Variants in KCNK12 observed in about 807,000 individuals in gnomAD.
The protein encoded by KCNK12 is potassium channel subfamily K member 12.
A neutral mutation model predicts 25.3 loss-of-function variants in KCNK12; 6 were observed. The ratio of observed to expected loss-of-function variants is 0.24; its 90% confidence interval spans 0.13 to 0.47. KCNK12 has a LOEUF of 0.47. KCNK12 is among the 20% of genes least tolerant of loss of function. KCNK12 has a pLI of 0.99. For missense variants in KCNK12, 444 were observed against 661.7 expected (o/e 0.67, Z 3.61); for synonymous variants, 331 against 311.1 (o/e 1.06, Z -0.67).
chr2:47,521,695 T>C lies in KCNK12; in HGVS notation c.505A>G (p.Ile169Val). The C allele has an allele frequency of 3.1e-6, 5 of 1,603,356 alleles. No individual in the cohort carries two copies. Among genetic ancestry groups the C allele is most frequent in the Non-Finnish European group, 4.3e-6 (5 of 1,176,404 alleles). ...LFFNLFLERIISLLAFIMRAC... is the reference protein window; with the variant it reads ...LFFNLFLERIVSLLAFIMRAC... ...CGCATGATGAAGGCCAGCAGCGAGA[T>C]GATGCGCTCCAGGAAGAGGTTGAAG... Residue 169 changes from isoleucine (I) to valine (V), a missense_variant, in exon 2 of 2, where the codon ATC (isoleucine) becomes GTC (valine). Around this residue, in one of 8 missense-constraint regions of KCNK12, gnomAD observed 44 missense variants for 100.7 expected, o/e 0.44. Transcript: ENST00000327876.
At chr2:47,544,654 C>T (rs1180621954) in intron 1 of KCNK12, among the ~76,000 whole-genome samples, 1 of 152,240 alleles carries the variant, frequency 6.6e-6, no homozygotes, top group Non-Finnish European at 1.5e-5. Context: ...TGGCAGCTTA[C>T]ATACCACATG....
rs1474768564 is a variant in KCNK12, at chr2:47,565,031, G to T, written c.391+4910C>A. On this transcript the variant is annotated intron_variant, in intron 1 of 1. Coordinates refer to ENST00000327876, the MANE Select transcript of KCNK12 (RefSeq NM_022055.2). The surrounding 1 kb of genome is among the most constrained non-coding windows in gnomAD (Gnocchi z 5.0). ...AAAAAAAAAAAAGTAGCCAGGTGTG[G>T]TGATGTGTGCCTGTGATCCCAGCTT... 4 of 151,996 alleles carry T rather than the reference G, an allele frequency of 2.6e-5. No individual in the cohort carries two copies. Among genetic ancestry groups the T allele is most frequent in the African/African-American group, 9.7e-5 (4 of 41,388 alleles). 9.4% of individuals were successfully genotyped at this position (151,996 alleles called of 1,614,324 possible). A position where few individuals can be genotyped will look rare whatever the true frequency, so the allele number is the denominator to read the frequency against.
chr2:47,513,319 T>C lies in KCNK12; in HGVS notation c.*7588A>G, dbSNP rs1402631237. 6.6e-6 allele frequency: 1 copy of C among 152,208 alleles called. No individual in the cohort carries two copies. The highest frequency in any genetic ancestry group is 6.5e-5 in the Admixed American group (1 of 15,286). The allele number at this position is 152,208 out of a possible 1,614,324, so 9.4% of individuals were successfully genotyped here. On this transcript the variant is annotated 3_prime_UTR_variant, in exon 2 of 2. Transcript: ENST00000327876. ...TCCCTTTGCTAAATCTTGTGGGTGT[T>C]TTCTTCAGTCCTTGTCTTAATCACT...
intron 1 of KCNK12, chr2:47,564,674 TATC>T (rs1300434301): frequency 5.6e-6 from 1 of 178,778 alleles, no homozygotes; most frequent in Non-Finnish European, 1.2e-5. Context: ...AGTGCAGTGG[TATC>T]ATGAATGACT....
rs1313684587 is a variant in KCNK12 at position 47,570,339 on chromosome 2, A to G, written c.-8T>C. 4 of 1,252,208 alleles carry G rather than the reference A, an allele frequency of 3.2e-6. No individual in the cohort carries two copies. The highest frequency in any genetic ancestry group is 4.0e-6 in the Non-Finnish European group (4 of 1,001,064). 77.6% of individuals were successfully genotyped at this position (1,252,208 alleles called of 1,614,324 possible). On this transcript the variant is annotated 5_prime_UTR_variant, in exon 1 of 2. Coordinates refer to ENST00000327876, the MANE Select transcript of KCNK12 (RefSeq NM_022055.2). ...GGGGCTGCGGGAGGACATGGTCCGG[A>G]GCTCAGCCCCGGGGCCGGGGCGGCG...
At chr2:47,563,890 T>C (rs1277312902) in intron 1 of KCNK12, 1 of 232,348 alleles carries the variant, frequency 4.3e-6, no homozygotes, top group Non-Finnish European at 8.5e-6. Context: ...AGTGGAAATA[T>C]GTTCTCTCTC....
In KCNK12 at chr2:47,521,007, C is replaced by A; in HGVS notation, c.1193G>T (p.Arg398Leu). The change falls in exon 2 of 2, where the codon CGC (arginine) becomes CTC (leucine). Residue 398 changes from arginine to leucine, a missense_variant. Physicochemically the swap from Arg to Leu is moderately radical, Grantham distance 102 (BLOSUM62 -2). Around this residue, in one of 8 missense-constraint regions of KCNK12, gnomAD observed 57 missense variants for 68.9 expected, o/e 0.83. Coordinates refer to ENST00000327876, the MANE Select transcript of KCNK12 (RefSeq NM_022055.2). The part of the protein sequence containing the change: ...QLSETANGYP[R>L]SVCVNTRQNG... ...CTGGCGCGTGTTGACGCACACGCTG[C>A]GCGGGTAGCCGTTGGCCGTCTCCGA... 1 of 1,392,830 alleles carries A rather than the reference C, an allele frequency of 7.2e-7. No individual in the cohort carries two copies. The highest frequency in any genetic ancestry group is 9.3e-7 in the Non-Finnish European group (1 of 1,070,326). The allele number at this position is 1,392,830 out of a possible 1,614,324, so 86.3% of individuals were successfully genotyped here. A position where few individuals can be genotyped will look rare whatever the true frequency, so the allele number is the denominator to read the frequency against.
In KCNK12 at chr2:47,522,854, G is replaced by A. The variant is rs549195701; in HGVS notation, c.392-1046C>T. ...ACATACTAGAATAGCAGACTTTTCT[G>A]TTCAAAGGGCAGTTTTTAAAGAGTT... On this transcript the variant is annotated intron_variant, in intron 1 of 1. Transcript: ENST00000327876. Among the ~76,000 whole-genome samples, 3 of 152,200 alleles carry A rather than the reference G, an allele frequency of 2.0e-5. No individual in the cohort carries two copies. In the East Asian group the frequency reaches 5.8e-4, roughly 29 times the overall value.
At chr2:47,523,983 C>G (rs769628209) in intron 1 of KCNK12, among the ~76,000 whole-genome samples, 4 of 152,142 alleles carry the variant, frequency 2.6e-5, no homozygotes, top group Non-Finnish European at 5.9e-5. Flanking sequence ...ATTCCTTAAG[C>G]CTATGTGCTA....
In KCNK12 at chr2:47,560,968, G is replaced by A. The variant is rs1219264623; in HGVS notation, c.391+8973C>T. ...CTCCACCCACCAGGGAGTCATGGTAGCCCTGGGGTGCAGGGAGCAGCAGCC... is the reference window on the plus strand; with the variant it reads ...CTCCACCCACCAGGGAGTCATGGTAACCCTGGGGTGCAGGGAGCAGCAGCC... On this transcript the variant is annotated intron_variant, in intron 1 of 1. Coordinates refer to ENST00000327876, the MANE Select transcript of KCNK12 (RefSeq NM_022055.2). The surrounding 1 kb of genome is among the most constrained non-coding windows in gnomAD (Gnocchi z 4.7). Among the ~76,000 whole-genome samples, 1 of 152,190 alleles carries A rather than the reference G, an allele frequency of 6.6e-6. No homozygotes were observed. Among genetic ancestry groups the A allele is most frequent in the Non-Finnish European group, 1.5e-5 (1 of 68,036 alleles).
Position 47,511,911 on chromosome 2 carries a change from G to A in KCNK12, c.*8996C>T, listed in dbSNP as rs953189626. On this transcript the variant is annotated 3_prime_UTR_variant, in exon 2 of 2. Transcript: ENST00000327876. The surrounding 1 kb of genome is among the most constrained non-coding windows in gnomAD (Gnocchi z 4.3). ...TTAGTGCAATTGACGAGCTGAAAAT[G>A]TAGTTTAAATTCACTTACATTTAAA... 1.3e-5 allele frequency among the ~76,000 whole-genome samples: 2 copies of A among 152,224 alleles called. No homozygotes were observed. The highest frequency in any genetic ancestry group is 4.8e-5 in the African/African-American group (2 of 41,454).
At chr2:47,526,299 G>T (rs933988815) in intron 1 of KCNK12, among the ~76,000 whole-genome samples, 4 of 151,416 alleles carry the variant, frequency 2.6e-5, no homozygotes, top group Admixed American at 1.3e-4. Flanking sequence ...CCAGCTACTC[G>T]GGAGGCTGAG....
At chr2:47,541,855 T>C (rs1036784497) in intron 1 of KCNK12, among the ~76,000 whole-genome samples, 2 of 152,114 alleles carry the variant, frequency 1.3e-5, no homozygotes, top group Admixed American at 1.3e-4. Context: ...AAAATACATT[T>C]CCATTGTTTA....
chr2:47,565,509 A>T lies in KCNK12; in HGVS notation c.391+4432T>A, dbSNP rs549332042. 6.6e-6 allele frequency: 1 copy of T among 152,272 alleles called. No individual in the cohort carries two copies. The highest frequency in any genetic ancestry group is 2.4e-5 in the African/African-American group (1 of 41,474). The allele number at this position is 152,272 out of a possible 1,614,324, so 9.4% of individuals were successfully genotyped here. ...CTTATACCTACACCATCCCGTCTAC[A>T]GCGGCATGATTTTAGCTTTATAGCT... is the stretch of plus-strand genomic sequence containing the variant. On this transcript the variant is annotated intron_variant, in intron 1 of 1. Coordinates refer to ENST00000327876, the MANE Select transcript of KCNK12 (RefSeq NM_022055.2). The surrounding 1 kb of genome is among the most constrained non-coding windows in gnomAD (Gnocchi z 5.0).
intron 1 of KCNK12, among the ~76,000 whole-genome samples, chr2:47,552,611 T>C (rs1669461565): frequency 6.6e-6 from 1 of 151,800 alleles, no homozygotes; most frequent in Non-Finnish European, 1.5e-5. Context: ...CTACTAAAAA[T>C]ACAAAAATTA....
rs975631046 is a variant in KCNK12 at position 47,510,540 on chromosome 2, G to A, written c.*10367C>T. ...GCATCCTGGGTACACAAAAGTCAAGGCTCCAGGATCTGCCCTGGGGGCTAT... is the reference window on the plus strand; with the variant it reads ...GCATCCTGGGTACACAAAAGTCAAGACTCCAGGATCTGCCCTGGGGGCTAT... On this transcript the variant is annotated 3_prime_UTR_variant, in exon 2 of 2. Coordinates refer to ENST00000327876, the MANE Select transcript of KCNK12 (RefSeq NM_022055.2). Among the ~76,000 whole-genome samples, 52 of 152,082 alleles carry A rather than the reference G, an allele frequency of 3.4e-4. No individual in the cohort carries two copies. The highest frequency in any genetic ancestry group is 1.2e-3 in the African/African-American group (51 of 41,398).
At position 47,528,772 on chromosome 2, in the gene KCNK12, C is replaced by T. The variant is rs182556338; in HGVS notation, c.392-6964G>A. ...CTCGTTCCCACAGCCTGTCTGGTGC[C>T]GCCTTCGCAAATGGGGCCCTGGTGA... On this transcript the variant is annotated intron_variant, in intron 1 of 1. Transcript: ENST00000327876. This position sits in a 1 kb window ranked among gnomAD's most constrained non-coding sequence, Gnocchi z 4.5. Among the ~76,000 whole-genome samples the T allele has an allele frequency of 6.6e-6, 1 of 152,362 alleles. No individual in the cohort carries two copies. Among genetic ancestry groups the T allele is most frequent in the East Asian group, 1.9e-4 (1 of 5,194 alleles).
chr2:47,522,208 CTG>C (rs772606980), intron 1 of KCNK12, among the ~76,000 whole-genome samples: 4 of 152,156 alleles, frequency 2.6e-5, no homozygotes, highest in Admixed American at 6.6e-5. Flanking sequence ...TTTTTAAAAA[CTG>C]TCATCTTTAT....
In KCNK12 at chr2:47,560,726, G is replaced by A. The variant is rs1669650595; in HGVS notation, c.391+9215C>T. ...GAGTAAACACAGATAAAAACACAGT[G>A]AACTGGCAAACATGACATGTGGCAG... is the stretch of plus-strand genomic sequence containing the variant. On this transcript the variant is annotated intron_variant, in intron 1 of 1. Coordinates refer to ENST00000327876, the MANE Select transcript of KCNK12 (RefSeq NM_022055.2). This position sits in a 1 kb window ranked among gnomAD's most constrained non-coding sequence, Gnocchi z 4.7. Among the ~76,000 whole-genome samples the A allele has an allele frequency of 1.3e-5, 2 of 152,194 alleles. No individual in the cohort carries two copies. The highest frequency in any genetic ancestry group is 4.1e-4 in the South Asian group (2 of 4,826).
Sources: allele counts gnomAD v4.1 joint callset (sites outside exome capture counted in the v4.1 genomes callset), GRCh38; gene constraint gnomAD v4.1.1; regional missense constraint gnomAD v4.1.1; non-coding constraint Gnocchi (gnomAD v3.1); transcripts MANE v1.5; gene names NCBI Gene and HGNC (gene_info 2026-07-23, HGNC 2026-07-21).